The following SND1 variants were observed in gnomAD, a reference collection of about 807,000 sequenced individuals.
The protein encoded by SND1 is staphylococcal nuclease domain-containing protein 1.
Under a neutral mutation model 121.7 loss-of-function variants are expected in SND1, and 38 were observed. That is an observed-to-expected ratio of 0.31 (90% CI 0.24 to 0.41). The LOEUF (loss-of-function observed/expected upper bound fraction) is 0.41, where lower values mean the gene tolerates loss of function less well. Ranked by LOEUF, SND1 falls within the 10% of genes least tolerant of loss-of-function variation. The pLI is 1.00. For missense variants in SND1, 868 were observed against 1,184.6 expected, an observed-to-expected ratio of 0.73 and a Z score of 3.92; for synonymous variants, 401 against 447.4, an observed-to-expected ratio of 0.90 and a Z score of 1.31.
intron 10 of SND1, among the ~76,000 whole-genome samples, chr7:127,725,984 A>G (rs1240939997): frequency 6.6e-6 from 1 of 151,946 alleles, no homozygotes; most frequent in Non-Finnish European, 1.5e-5. Flanking sequence ...TTTGGAGGGT[A>G]GTAGGGCAAA....
At chr7:127,906,681 G>A (rs1752259671) in intron 14 of SND1, among the ~76,000 whole-genome samples, 1 of 152,096 alleles carries the variant, frequency 6.6e-6, no homozygotes, top group South Asian at 2.1e-4. Flanking sequence ...TTCATTTCTA[G>A]TTCTGATTTG....
chr7:127,747,831 C>T (rs1439748122), intron 10 of SND1, among the ~76,000 whole-genome samples: 1 of 152,194 alleles, frequency 6.6e-6, no homozygotes. Flanking sequence ...GGTTTTCTCT[C>T]CCTCCTTTGC....
intron 15 of SND1, among the ~76,000 whole-genome samples, chr7:127,945,168 G>A (rs1237289506): frequency 6.6e-6 from 1 of 152,206 alleles, no homozygotes; most frequent in Non-Finnish European, 1.5e-5. Context: ...AATGAGCACT[G>A]ATGTTTCTTG....
At chr7:127,934,660 G>A (rs921847854) in intron 15 of SND1, among the ~76,000 whole-genome samples, 4 of 152,088 alleles carry the variant, frequency 2.6e-5, no homozygotes, top group Admixed American at 2.0e-4. Flanking sequence ...TCCTAGGTTT[G>A]AGCAATCTGG....
intron 8 of SND1, among the ~76,000 whole-genome samples, chr7:127,705,193 T>C (rs1208119449): frequency 6.6e-6 from 1 of 152,204 alleles, no homozygotes; most frequent in Non-Finnish European, 1.5e-5. Flanking sequence ...TTTTTTAATG[T>C]TTTCAGGTCA....
Position 128,052,349 on chromosome 7 carries a change from C to G in SND1, c.1780-22153C>G, listed in dbSNP as rs1270391248. On this transcript the variant is annotated intron_variant, in intron 16 of 23. Transcript: ENST00000354725. This position sits in a 1 kb window ranked among gnomAD's most constrained non-coding sequence, Gnocchi z 4.6. ...CTGTCTGGACAAGCTCCCATTCTGGCAGCTTGTCCATCAAGGTTGGATCTG... is the reference window on the plus strand; with the variant it reads ...CTGTCTGGACAAGCTCCCATTCTGGGAGCTTGTCCATCAAGGTTGGATCTG... Among the ~76,000 whole-genome samples, 2 of 152,184 alleles carry G rather than the reference C, an allele frequency of 1.3e-5. No individual in the cohort carries two copies. Among genetic ancestry groups the G allele is most frequent in the Non-Finnish European group, 2.9e-5 (2 of 68,026 alleles).
chr7:128,085,058 G>A lies in SND1; in HGVS notation c.2234+211G>A, dbSNP rs1364174643. On this transcript the variant is annotated intron_variant, in intron 19 of 23. Transcript: ENST00000354725. The surrounding 1 kb of genome is among the most constrained non-coding windows in gnomAD (Gnocchi z 4.4). ...CCCTGCAGTCCAGCCAGACAGAAGTGGCTCCTTCCTTGTCTCCTGGGGGAT... is the reference window on the plus strand; with the variant it reads ...CCCTGCAGTCCAGCCAGACAGAAGTAGCTCCTTCCTTGTCTCCTGGGGGAT... 6.6e-6 allele frequency among the ~76,000 whole-genome samples: 1 copy of A among 152,190 alleles called. No individual in the cohort carries two copies. The highest frequency in any genetic ancestry group is 2.4e-5 in the African/African-American group (1 of 41,452).
rs138938085 is a variant in SND1, at chr7:127,755,071, G to A, written c.1152+33671G>A. Among the ~76,000 whole-genome samples the A allele has an allele frequency of 2.9e-3, 445 of 152,252 alleles. 8 individuals carry two copies. Among genetic ancestry groups the A allele is most frequent in the Non-Finnish European group, 3.8e-4 (26 of 68,030 alleles). On this transcript the variant is annotated intron_variant, in intron 10 of 23. Coordinates refer to ENST00000354725, the MANE Select transcript of SND1 (RefSeq NM_014390.4). ...ATCTCTGAACCTACAGAAACATTTG[G>A]CATATGATCTTCCACCTACCACCAA...
chr7:127,815,083 A>T lies in SND1; in HGVS notation c.1242+7510A>T, dbSNP rs759056519. Among the ~76,000 whole-genome samples the T allele has an allele frequency of 3.3e-5, 5 of 152,106 alleles. No individual in the cohort carries two copies. In the East Asian group the frequency reaches 9.6e-4, roughly 29 times the overall value. ...CAGTTATCTTCTTCTGGCAAAACTT[A>T]AGGTATCCCTAAAGTGTAACAGTTC... is the stretch of plus-strand genomic sequence containing the variant. On this transcript the variant is annotated intron_variant, in intron 11 of 23. Coordinates refer to ENST00000354725, the MANE Select transcript of SND1 (RefSeq NM_014390.4).
intron 10 of SND1, among the ~76,000 whole-genome samples, chr7:127,806,958 GA>G (rs931676819): frequency 5.9e-5 from 9 of 151,544 alleles, no homozygotes; most frequent in Non-Finnish European, 1.2e-4. Context: ...GACTCTGTCT[GA>G]AAAAAAAGGA....
At chr7:127,734,247 C>T (rs1403479059) in intron 10 of SND1, among the ~76,000 whole-genome samples, 1 of 152,028 alleles carries the variant, frequency 6.6e-6, no homozygotes, top group Non-Finnish European at 1.5e-5. Flanking sequence ...CCTGAGGATT[C>T]CAGTGAAAGG....
chr7:127,684,648 C>G (rs1423589323), intron 1 of SND1, among the ~76,000 whole-genome samples: 2 of 152,082 alleles, frequency 1.3e-5, no homozygotes, highest in African/African-American at 4.8e-5. Context: ...GGGATAATGC[C>G]TAGGACATGA....
chr7:127,861,722 C>T (rs143449630), intron 12 of SND1, among the ~76,000 whole-genome samples: 2,264 of 152,298 alleles, frequency 0.015, 20 homozygotes, highest in Non-Finnish European at 0.025. Context: ...CCACCCGCCT[C>T]GGCCTCCTGA....
At position 127,749,543 on chromosome 7, in the gene SND1, G is replaced by A. The variant is rs558584156; in HGVS notation, c.1152+28143G>A. On this transcript the variant is annotated intron_variant, in intron 10 of 23. Coordinates refer to ENST00000354725, the MANE Select transcript of SND1 (RefSeq NM_014390.4). ...GTGTGGAGAGGCTTAATTAGACAGTGTACATGGAAAGGAAGGAAAAGATAC... is the reference window on the plus strand; with the variant it reads ...GTGTGGAGAGGCTTAATTAGACAGTATACATGGAAAGGAAGGAAAAGATAC... Among the ~76,000 whole-genome samples the A allele has an allele frequency of 3.3e-5, 5 of 152,244 alleles. No homozygotes were observed. In the South Asian group the frequency reaches 1.0e-3, roughly 32 times the overall value.
intron 9 of SND1, 35 bp downstream of exon 9, chr7:127,707,682 G>A: frequency 6.6e-7 from 1 of 1,517,276 alleles, no homozygotes; most frequent in Non-Finnish European, 9.2e-7. Context: ...ATGCATAGTG[G>A]ACATTGCCAG....
chr7:127,729,295 A>G (rs1443393904), intron 10 of SND1, among the ~76,000 whole-genome samples: 1 of 151,938 alleles, frequency 6.6e-6, no homozygotes, highest in Non-Finnish European at 1.5e-5. Context: ...TATATATTTT[A>G]CTGTTGTCGA....
Position 127,888,026 on chromosome 7 carries a change from T to TTACTAAAC in SND1, c.1454+15_1454+22dup. ...TGCAGAGGCCAGGTAAGACCAAACA[T>TTACTAAAC]TACTAAACACATGGGGAACCCACAC... On this transcript the variant is annotated intron_variant, in intron 13 of 23. Coordinates refer to ENST00000354725, the MANE Select transcript of SND1 (RefSeq NM_014390.4). 1 of 1,578,686 alleles carries TTACTAAAC rather than the reference T, an allele frequency of 6.3e-7. No individual in the cohort carries two copies. The highest frequency in any genetic ancestry group is 8.7e-7 in the Non-Finnish European group (1 of 1,149,274).
intron 15 of SND1, among the ~76,000 whole-genome samples, chr7:127,987,526 A>G (rs1192852400): frequency 6.6e-6 from 1 of 152,154 alleles, no homozygotes; most frequent in African/African-American, 2.4e-5. Flanking sequence ...TCTCCTCTCT[A>G]CCAGTGGACA....
chr7:127,797,551 G>C (rs954703641), intron 10 of SND1, among the ~76,000 whole-genome samples: 4 of 152,324 alleles, frequency 2.6e-5, no homozygotes, highest in South Asian at 2.1e-4. Context: ...GAGCACTTCG[G>C]GGGTGGGAAA....
Sources: allele counts gnomAD v4.1 joint callset (sites outside exome capture counted in the v4.1 genomes callset), GRCh38; gene constraint gnomAD v4.1.1; non-coding constraint Gnocchi (gnomAD v3.1); transcripts MANE v1.5; gene names NCBI Gene and HGNC (gene_info 2026-07-23, HGNC 2026-07-21).